The following PTCHD4 variants were observed in gnomAD, a reference collection of about 807,000 sequenced individuals.
The protein encoded by PTCHD4 is patched domain containing 4.
PTCHD4 carries 33 observed loss-of-function variants against 58.1 expected under a neutral mutation model. The observed-to-expected ratio is 0.57, with a 90% CI of 0.43 to 0.76. The LOEUF (loss-of-function observed/expected upper bound fraction) is 0.76, where lower values mean the gene tolerates loss of function less well. PTCHD4 is among the 30% of genes least tolerant of loss of function. The pLI, the probability that PTCHD4 is intolerant of heterozygous loss-of-function variation, is 0.00. For synonymous variants in PTCHD4, 478 were observed against 409.6 expected, an observed-to-expected ratio of 1.17 and a Z score of -2.02; for missense variants, 1,058 against 1,027.1, an observed-to-expected ratio of 1.03 and a Z score of -0.41.
chr6:48,006,507 T>C (rs774636833), intron 4 of PTCHD4, among the ~76,000 whole-genome samples: 2 of 152,216 alleles, frequency 1.3e-5, no homozygotes, highest in Non-Finnish European at 2.9e-5. Flanking sequence ...CAATGAACTA[T>C]GTTTCATTTG....
intron 4 of PTCHD4, among the ~76,000 whole-genome samples, chr6:48,005,358 T>A (rs572984711): frequency 1.9e-4 from 29 of 152,296 alleles, no homozygotes; most frequent in African/African-American, 7.0e-4. Context: ...CTCAAAGAAG[T>A]CATCTTAGGA....
chr6:47,971,168 A>G (rs552842597), intron 4 of PTCHD4, among the ~76,000 whole-genome samples: 2 of 152,334 alleles, frequency 1.3e-5, no homozygotes, highest in African/African-American at 4.8e-5. Flanking sequence ...AAGGACATAG[A>G]GAAAAGCATG....
chr6:48,046,676 C>A (rs1562025173), intron 3 of PTCHD4, among the ~76,000 whole-genome samples: 2 of 151,710 alleles, frequency 1.3e-5, no homozygotes, highest in Non-Finnish European at 1.5e-5. Flanking sequence ...AGAGGTCCTG[C>A]AGTTTGTTTA....
chr6:47,967,500 C>A (rs1347622917), intron 4 of PTCHD4, among the ~76,000 whole-genome samples: 1 of 152,184 alleles, frequency 6.6e-6, no homozygotes, highest in East Asian at 1.9e-4. Context: ...GTCAGCCCAT[C>A]CTTTGAAGCT....
chr6:47,901,048 G>T (rs1374369389), intron 4 of PTCHD4: 1 of 150,930 alleles, frequency 6.6e-6, no homozygotes, highest in East Asian at 1.9e-4. Context: ...CAGCTACTCG[G>T]GAGGCTGAGG....
chr6:48,109,812 A>G lies in PTCHD4; in HGVS notation c.-970+1237T>C, dbSNP rs1036848447. On this transcript the variant is annotated intron_variant, in intron 1 of 4. Coordinates refer to ENST00000339488, the MANE Select transcript of PTCHD4 (RefSeq NM_001384253.1). ...TTCCAAAGAAAACATACAAGTCGCC[A>G]AAAGGTATGTAAAAATTCGTCAACA... Among the ~76,000 whole-genome samples, 9 of 152,242 alleles carry G rather than the reference A, an allele frequency of 5.9e-5. No homozygotes were observed. In the East Asian group the frequency reaches 1.5e-3, roughly 26 times the overall value.
At chr6:47,934,367 A>G (rs1765928922) in intron 4 of PTCHD4, among the ~76,000 whole-genome samples, 1 of 152,148 alleles carries the variant, frequency 6.6e-6, no homozygotes, top group South Asian at 2.1e-4. Flanking sequence ...TGGCCATGGA[A>G]CAAAGAACCC....
intron 3 of PTCHD4, among the ~76,000 whole-genome samples, chr6:48,030,759 G>A (rs1251390948): frequency 6.6e-6 from 1 of 152,120 alleles, no homozygotes; most frequent in African/African-American, 2.4e-5. Context: ...AAACTGCAGT[G>A]ATACCAACCA....
At chr6:47,950,721 G>C (rs1477215156) in intron 4 of PTCHD4, among the ~76,000 whole-genome samples, 2 of 152,150 alleles carry the variant, frequency 1.3e-5, no homozygotes, top group African/African-American at 4.8e-5. Context: ...GTAAATGTGG[G>C]GGATGACGGA....
At chr6:47,942,073 A>C (rs1327993930) in intron 4 of PTCHD4, among the ~76,000 whole-genome samples, 3 of 152,206 alleles carry the variant, frequency 2.0e-5, no homozygotes, top group African/African-American at 7.2e-5. Context: ...ATTTCTGTCT[A>C]TATTATGCAA....
At chr6:47,983,159 C>T (rs990070168) in intron 4 of PTCHD4, among the ~76,000 whole-genome samples, 2 of 152,062 alleles carry the variant, frequency 1.3e-5, no homozygotes, top group Middle Eastern at 3.4e-3. Flanking sequence ...AAATGTCAAG[C>T]TGAAGGGAAG....
chr6:47,975,647 C>T (rs1266802041), intron 4 of PTCHD4, among the ~76,000 whole-genome samples: 3 of 152,226 alleles, frequency 2.0e-5, no homozygotes, highest in Non-Finnish European at 2.9e-5. Context: ...CGTGTCACTA[C>T]TGCACCCACC....
At chr6:47,954,888 G>A (rs368166959) in intron 4 of PTCHD4, among the ~76,000 whole-genome samples, 2 of 152,248 alleles carry the variant, frequency 1.3e-5, no homozygotes, top group South Asian at 2.1e-4. Context: ...TCATAAAAAA[G>A]TAATATGGCT....
rs1238308533 is a variant in PTCHD4 at position 47,897,459 on chromosome 6, GGTCTCTGGCATTCT to G, written c.899-17537_899-17524del. ...TACCAGTCACCCGTCTCTTAACATT[GGTCTCTGGCATTCT>G]GTCTCCAACAGCAACTGAATTTATG... is the stretch of plus-strand genomic sequence containing the variant. On this transcript the variant is annotated intron_variant, in intron 4 of 4. Transcript: ENST00000339488. Among the ~76,000 whole-genome samples, 8 of 152,248 alleles carry G rather than the reference GGTCTCTGGCATTCT, an allele frequency of 5.3e-5. No homozygotes were observed. In the South Asian group the frequency reaches 1.5e-3, roughly 28 times the overall value.
intron 4 of PTCHD4, among the ~76,000 whole-genome samples, chr6:47,915,142 C>A (rs1765204333): frequency 1.3e-5 from 2 of 152,082 alleles, no homozygotes; most frequent in Admixed American, 1.3e-4. Context: ...TTTACTACTT[C>A]TCTGCTTTAA....
At chr6:48,040,218 A>G (rs915965744) in intron 3 of PTCHD4, among the ~76,000 whole-genome samples, 9 of 152,074 alleles carry the variant, frequency 5.9e-5, no homozygotes, top group Middle Eastern at 3.2e-3. Context: ...CAATCCAAGG[A>G]GGCTGATTTC....
At chr6:48,050,954 A>G (rs904271352) in intron 3 of PTCHD4, among the ~76,000 whole-genome samples, 2 of 152,060 alleles carry the variant, frequency 1.3e-5, no homozygotes, top group Non-Finnish European at 2.9e-5. Context: ...TCACTTTGCT[A>G]GTACAAAATA....
At chr6:47,894,478 G>A (rs987437206) in intron 4 of PTCHD4, among the ~76,000 whole-genome samples, 23 of 152,128 alleles carry the variant, frequency 1.5e-4, no homozygotes, top group Non-Finnish European at 4.4e-5. Flanking sequence ...ACTGCTCCAT[G>A]TAGTCTTCCT....
intron 4 of PTCHD4, among the ~76,000 whole-genome samples, chr6:47,982,481 C>CTTTTTTTTTTTTTTTTT (rs375869071): frequency 2.3e-5 from 3 of 130,794 alleles, no homozygotes; most frequent in Non-Finnish European, 1.6e-5. Flanking sequence ...TTATCTCTCT[C>CTTTTTTTTTTTTTTTTT]TTTTTTTTTT....
Sources: gnomAD v4.1 joint callset for allele counts (sites outside exome capture counted in the v4.1 genomes callset) on GRCh38, gnomAD v4.1.1 for gene constraint, MANE v1.5 for transcripts, NCBI Gene and HGNC (gene_info 2026-07-23, HGNC 2026-07-21) for gene names.